The following METTL15 variants were observed in gnomAD, a reference collection of about 807,000 sequenced individuals.
METTL15 encodes 12S rRNA N(4)-cytidine methyltransferase METTL15.
Under a neutral mutation model 38.3 loss-of-function variants are expected in METTL15, and 34 were observed. The ratio of observed to expected loss-of-function variants is 0.89; its 90% CI spans 0.68 to 1.18. The LOEUF (loss-of-function observed/expected upper bound fraction) is 1.18. METTL15 is among the 50% of genes most tolerant of loss of function. The probability of loss-of-function intolerance (pLI) is 0.00; values close to 1 mark genes in which losing one functional copy is unlikely to be tolerated. For synonymous variants in METTL15, 162 were observed against 170.9 expected (o/e 0.95, Z 0.41); for missense variants, 438 against 498.4 (o/e 0.88, Z 1.15).
At chr11:28,195,050 G>T (rs567388501) in intron 3 of METTL15, among the ~76,000 whole-genome samples, 15 of 151,700 alleles carry the variant, frequency 9.9e-5, no homozygotes, top group African/African-American at 3.6e-4. Context: ...TTTTTTGGTT[G>T]AGTGGTATTC....
At chr11:28,173,762 G>A (rs777819932) in intron 3 of METTL15, among the ~76,000 whole-genome samples, 1 of 152,040 alleles carries the variant, frequency 6.6e-6, no homozygotes, top group Non-Finnish European at 1.5e-5. Context: ...GCTTCCTCTT[G>A]GCTATGACAG....
intron 6 of METTL15, among the ~76,000 whole-genome samples, chr11:28,521,150 A>T (rs1247405724): frequency 6.6e-6 from 1 of 152,214 alleles, no homozygotes; most frequent in Non-Finnish European, 1.5e-5. Flanking sequence ...TGATATTCAG[A>T]ATTACAACCT....
chr11:28,217,148 T>C (rs1002639499), intron 4 of METTL15, among the ~76,000 whole-genome samples: 13 of 152,178 alleles, frequency 8.5e-5, no homozygotes, highest in East Asian at 1.9e-4. Flanking sequence ...CTGACTTCCA[T>C]AACGGTTGAA....
At chr11:28,132,494 AT>A (rs1849371646) in intron 3 of METTL15, among the ~76,000 whole-genome samples, 1 of 148,302 alleles carries the variant, frequency 6.7e-6, no homozygotes, top group Non-Finnish European at 1.5e-5. Context: ...GTTGAAAATA[AT>A]TTCTTCTCTC....
chr11:28,167,976 A>G (rs1469146109), intron 3 of METTL15, among the ~76,000 whole-genome samples: 3 of 152,124 alleles, frequency 2.0e-5, no homozygotes, highest in Non-Finnish European at 4.4e-5. Flanking sequence ...GGAATGCACC[A>G]GTCCATTTTT....
At chr11:28,171,993 G>A (rs943988170) in intron 3 of METTL15, among the ~76,000 whole-genome samples, 1 of 151,906 alleles carries the variant, frequency 6.6e-6, no homozygotes, top group African/African-American at 2.4e-5. Context: ...AAGAGATGGG[G>A]TTCTACTATG....
chr11:28,408,196 C>G (rs1325970157), intron 5 of METTL15, among the ~76,000 whole-genome samples: 5 of 152,032 alleles, frequency 3.3e-5, no homozygotes, highest in Non-Finnish European at 7.4e-5. Flanking sequence ...GATAAATAGC[C>G]AATGCATGCG....
At chr11:28,234,152 G>A (rs1273806474) in intron 4 of METTL15, among the ~76,000 whole-genome samples, 1 of 152,084 alleles carries the variant, frequency 6.6e-6, no homozygotes, top group Non-Finnish European at 1.5e-5. Context: ...TTTAATGGCA[G>A]CGTAGTATTC....
At chr11:28,247,762 G>T (rs1854573942) in intron 4 of METTL15, among the ~76,000 whole-genome samples, 1 of 152,028 alleles carries the variant, frequency 6.6e-6, no homozygotes, top group Admixed American at 6.6e-5. Context: ...ATGGCTTACA[G>T]GCAAAATGAG....
At chr11:28,271,656 T>C (rs1344880378) in intron 4 of METTL15, among the ~76,000 whole-genome samples, 1 of 152,202 alleles carries the variant, frequency 6.6e-6, no homozygotes, top group Non-Finnish European at 1.5e-5. Flanking sequence ...CATGCCATTC[T>C]ATCCTTTTAA....
At position 28,151,820 on chromosome 11, in the gene METTL15, C is replaced by T. The variant is rs558169689; in HGVS notation, c.270+38216C>T. 2.0e-5 allele frequency among the ~76,000 whole-genome samples: 3 copies of T among 152,108 alleles called. No homozygotes were observed. The South Asian group carries it at 6.2e-4, about 31-fold the overall frequency. ...TCTTGTAAATTTCTGAGTGTCTCAGCCCAACAAAGTTTAGAATCTTAAGTA... is the reference window on the plus strand; with the variant it reads ...TCTTGTAAATTTCTGAGTGTCTCAGTCCAACAAAGTTTAGAATCTTAAGTA... On this transcript the variant is annotated intron_variant, in intron 3 of 6. Coordinates refer to ENST00000407364, the MANE Select transcript of METTL15 (RefSeq NM_001113528.2).
intron 6 of METTL15, among the ~76,000 whole-genome samples, chr11:28,434,339 A>G (rs941209439): frequency 1.3e-5 from 2 of 152,224 alleles, no homozygotes; most frequent in Non-Finnish European, 2.9e-5. Context: ...TTTCCTTTAT[A>G]AATTACCTAG....
downstream of METTL15, among the ~76,000 whole-genome samples, chr11:28,334,612 C>T (rs1849884148): frequency 1.3e-5 from 2 of 152,198 alleles, no homozygotes. Flanking sequence ...TTGTAAAAAT[C>T]AACCCTATAT....
chr11:28,531,960 A>G (rs1851845294), downstream of METTL15, among the ~76,000 whole-genome samples: 1 of 152,008 alleles, frequency 6.6e-6, no homozygotes, highest in Admixed American at 6.6e-5. Flanking sequence ...TCTTTCTTTC[A>G]TAGATGAAAA....
intron 4 of METTL15, among the ~76,000 whole-genome samples, chr11:28,356,049 G>A (rs1486663495): frequency 6.6e-6 from 1 of 152,082 alleles, no homozygotes; most frequent in Non-Finnish European, 1.5e-5. Flanking sequence ...CTAACCACTA[G>A]GCTACTAGGG....
intron 6 of METTL15, among the ~76,000 whole-genome samples, chr11:28,307,783 G>A (rs1301287735): frequency 5.3e-5 from 8 of 151,848 alleles, no homozygotes; most frequent in Non-Finnish European, 1.2e-4. Flanking sequence ...TGAAGACAAA[G>A]GTTTTACTTT....
intron 3 of METTL15, among the ~76,000 whole-genome samples, chr11:28,182,387 A>G (rs1454952111): frequency 2.0e-5 from 3 of 152,018 alleles, no homozygotes; most frequent in Non-Finnish European, 2.9e-5. Flanking sequence ...TTATGGTTTT[A>G]GGTCTTATGT....
At chr11:28,235,971 G>C (rs980117031) in intron 4 of METTL15, among the ~76,000 whole-genome samples, 5 of 151,288 alleles carry the variant, frequency 3.3e-5, no homozygotes, top group Non-Finnish European at 7.4e-5. Context: ...ATTATTTTGA[G>C]ATACGTCCCA....
At chr11:28,527,844 G>A (rs1414270339), downstream of METTL15, among the ~76,000 whole-genome samples, 6 of 152,140 alleles carry the variant, frequency 3.9e-5, no homozygotes, top group South Asian at 2.1e-4. Context: ...CCTTCTTAGC[G>A]TTTTTATCTC....
Sources: allele counts gnomAD v4.1 joint callset (sites outside exome capture counted in the v4.1 genomes callset), GRCh38; gene constraint gnomAD v4.1.1; transcripts MANE v1.5; gene names NCBI Gene and HGNC (gene_info 2026-07-23, HGNC 2026-07-21).